ARB2A: variants seen among roughly 807,000 people sequenced by gnomAD.
ARB2A encodes ARB2 cotranscriptional regulator A, also known as cotranscriptional regulator ARB2A.
At chr5:93,855,151 G>A in the ARB2A span, among the ~76,000 whole-genome samples, 20 of 152,216 alleles carry the variant, frequency 1.3e-4, no homozygotes, top group African/African-American at 3.4e-4. Flanking sequence ...CCTGTATTGG[G>A]TGCATATATA....
the ARB2A span, chr5:93,620,542 A>T: frequency 6.5e-6 from 1 of 154,216 alleles, no homozygotes; most frequent in Non-Finnish European, 1.4e-5. Context: ...TGGAAATCTG[A>T]AGTCTGGAAT....
chr5:94,092,751 T>C, the ARB2A span, among the ~76,000 whole-genome samples: 1 of 152,172 alleles, frequency 6.6e-6, no homozygotes, highest in Non-Finnish European at 1.5e-5. Context: ...TAGGAACATA[T>C]ATACACACAT....
At chr5:93,711,236 C>T in the ARB2A span, among the ~76,000 whole-genome samples, 1 of 148,946 alleles carries the variant, frequency 6.7e-6, no homozygotes, top group South Asian at 2.1e-4. Flanking sequence ...TACATATCTC[C>T]CCCCACCCCA....
chr5:93,750,687 T>C, the ARB2A span, among the ~76,000 whole-genome samples: 5 of 152,096 alleles, frequency 3.3e-5, no homozygotes, highest in South Asian at 1.0e-3. Flanking sequence ...CCCAGCTAAT[T>C]TATTTTTATT....
chr5:93,740,722 G>A, the ARB2A span: 1 of 1,613,074 alleles, frequency 6.2e-7, no homozygotes, highest in South Asian at 1.1e-5. Context: ...AGGAGGCCCG[G>A]CTGTCCCCAC....
At chr5:93,731,982 T>C in the ARB2A span, among the ~76,000 whole-genome samples, 2 of 152,192 alleles carry the variant, frequency 1.3e-5, no homozygotes, top group African/African-American at 4.8e-5. Context: ...GAAGAAAACC[T>C]AAGTCCAAGG....
At chr5:93,644,170 C>T in the ARB2A span, among the ~76,000 whole-genome samples, 3,659 of 152,230 alleles carry the variant, frequency 0.024, 125 homozygotes, top group African/African-American at 0.083. Flanking sequence ...GTTGAAGTAG[C>T]TGAGTCCAGA....
At chr5:93,929,859 T>C in the ARB2A span, among the ~76,000 whole-genome samples, 1 of 152,188 alleles carries the variant, frequency 6.6e-6, no homozygotes, top group Non-Finnish European at 1.5e-5. Flanking sequence ...AGTATATCAG[T>C]TGAAGAGTGT....
At chr5:93,663,563 T>C in the ARB2A span, among the ~76,000 whole-genome samples, 1 of 152,056 alleles carries the variant, frequency 6.6e-6, no homozygotes, top group African/African-American at 2.4e-5. Context: ...CCACATGGAA[T>C]ATAAAAAAAG....
At chr5:93,778,023 G>GA in the ARB2A span, among the ~76,000 whole-genome samples, 212 of 151,612 alleles carry the variant, frequency 1.4e-3, 4 homozygotes, top group Admixed American at 0.012. Flanking sequence ...AACTGTGTAG[G>GA]AAAAAAAACA....
chr5:93,931,635 A>G, the ARB2A span, among the ~76,000 whole-genome samples: 51 of 152,202 alleles, frequency 3.4e-4, no homozygotes, highest in African/African-American at 1.2e-3. Context: ...TTTTTATTTA[A>G]GTATTACACA....
chr5:94,010,300 G>A, the ARB2A span, among the ~76,000 whole-genome samples: 7 of 151,686 alleles, frequency 4.6e-5, no homozygotes, highest in East Asian at 9.7e-4. Flanking sequence ...TTTCCTCTTC[G>A]AATGATGGAT....
the ARB2A span, among the ~76,000 whole-genome samples, chr5:93,916,683 C>T: frequency 5.7e-4 from 87 of 152,202 alleles, no homozygotes; most frequent in Non-Finnish European, 9.3e-4. Context: ...CCCCTTCCCT[C>T]AGAACCCCCT....
the ARB2A span, among the ~76,000 whole-genome samples, chr5:93,655,164 T>G: frequency 6.6e-6 from 1 of 152,242 alleles, no homozygotes; most frequent in East Asian, 1.9e-4. Flanking sequence ...GAAAGGATTT[T>G]ATACATTCTG....
At chr5:93,761,236 C>T in the ARB2A span, among the ~76,000 whole-genome samples, 2 of 152,026 alleles carry the variant, frequency 1.3e-5, no homozygotes, top group African/African-American at 4.8e-5. Flanking sequence ...GCACACCGAG[C>T]GTGAGCCAAA....
chr5:94,015,101 TCTAA>T, the ARB2A span, among the ~76,000 whole-genome samples: 39 of 151,972 alleles, frequency 2.6e-4, no homozygotes, highest in African/African-American at 9.2e-4. Context: ...CATATAATAA[TCTAA>T]CTGTCAAAAG....
chr5:93,995,387 C>A, the ARB2A span, among the ~76,000 whole-genome samples: 13 of 152,262 alleles, frequency 8.5e-5, no homozygotes, highest in African/African-American at 2.6e-4. Context: ...GGGACCCGTA[C>A]AAAGTGCAAT....
chr5:93,768,192 TGGG>T, the ARB2A span, among the ~76,000 whole-genome samples: 11 of 151,228 alleles, frequency 7.3e-5, no homozygotes, highest in Non-Finnish European at 4.4e-5. Context: ...TTTGGGGACT[TGGG>T]GGGGAAGAGT....
the ARB2A span, among the ~76,000 whole-genome samples, chr5:93,981,222 C>T: frequency 6.6e-6 from 1 of 151,976 alleles, no homozygotes. Flanking sequence ...CCTGCACCAC[C>T]ACGCCTGGCT....
Sources: gnomAD v4.1 joint callset for allele counts (sites outside exome capture counted in the v4.1 genomes callset) on GRCh38, gnomAD v4.1.1 for gene constraint, MANE v1.5 for transcripts, NCBI Gene and HGNC (gene_info 2026-07-23, HGNC 2026-07-21) for gene names.